CPAMD8: variants seen among roughly 807,000 people sequenced by gnomAD.
CPAMD8 encodes the protein C3 and PZP-like alpha-2-macroglobulin domain-containing protein 8.
CPAMD8 carries 146 observed loss-of-function variants against 224.7 expected under a neutral mutation model. The observed-to-expected ratio is 0.65, with a 90% CI of 0.57 to 0.75. CPAMD8 has a LOEUF of 0.75. Ranked by LOEUF, CPAMD8 falls within the 30% of genes least tolerant of loss-of-function variation. The pLI is 0.00. For synonymous variants in CPAMD8, 966 were observed against 1,044.6 expected (o/e 0.92, Z 1.45); for missense variants, 2,301 against 2,537.5 (o/e 0.91, Z 2.00).
chr19:17,008,590 G>C, intron 6 of CPAMD8, 31 bp from the exon 7 acceptor site: 2 of 1,611,770 alleles, frequency 1.2e-6, no homozygotes, highest in Non-Finnish European at 1.7e-6. Flanking sequence ...CAGACACACG[G>C]AGTGAACTCA....
In CPAMD8 at chr19:16,947,068, C is replaced by T. The variant is rs758569760; in HGVS notation, c.2662+6G>A. ...GGGGACACCCCAAGAACTGTGGGGTCCTCACCCGTGATGTTGTTGAGTCCC... is the reference window on the plus strand; with the variant it reads ...GGGGACACCCCAAGAACTGTGGGGTTCTCACCCGTGATGTTGTTGAGTCCC... On this transcript the variant is annotated splice_donor_region_variant and intron_variant, in intron 21 of 41. Coordinates refer to ENST00000443236, the MANE Select transcript of CPAMD8 (RefSeq NM_015692.5). 41 of 1,598,694 alleles carry T rather than the reference C, an allele frequency of 2.6e-5. No individual in the cohort carries two copies. Among genetic ancestry groups the T allele is most frequent in the Non-Finnish European group, 3.4e-5 (40 of 1,171,320 alleles).
At chr19:16,953,910 T>TAA (rs1352607409) in intron 19 of CPAMD8, among the ~76,000 whole-genome samples, 2 of 151,878 alleles carry the variant, frequency 1.3e-5, no homozygotes, top group East Asian at 3.9e-4. Context: ...GAAATGCAAA[T>TAA]AAAAACCACA....
At position 16,970,897 on chromosome 19, in the gene CPAMD8, G is replaced by T. The variant is rs9305083; in HGVS notation, c.2207C>A (p.Pro736His). 0.035 allele frequency: 55,806 copies of T among 1,613,126 alleles called. 4,617 individuals are homozygous for T. The highest frequency in any genetic ancestry group is 0.33 in the African/African-American group (24,745 of 74,868). Residue 736 changes from proline (P) to histidine (H), a missense_variant, in exon 18 of 42, where the codon CCC (proline) becomes CAC (histidine). By Grantham distance (77) the Pro-to-His change is moderately conservative. Around this residue, in one of 4 missense-constraint regions of CPAMD8, gnomAD observed 1,709 missense variants for 1,753.2 expected, o/e 0.97. Coordinates refer to ENST00000443236, the MANE Select transcript of CPAMD8 (RefSeq NM_015692.5). ...TCAATGTATAAGCCGTTACCTGGGGGGGTGCCTGGAAGGAGCCACTGCCAC... is the reference window on the plus strand; with the variant it reads ...TCAATGTATAAGCCGTTACCTGGGGTGGTGCCTGGAAGGAGCCACTGCCAC... ...SLVAVAPSRHPPRTEKRKRTF... is the reference protein window; with the variant it reads ...SLVAVAPSRHHPRTEKRKRTF...
chr19:16,901,312 GGAGA>G lies in CPAMD8; in HGVS notation c.4686-19_4686-16del, dbSNP rs762202474. On this transcript the variant is annotated splice_polypyrimidine_tract_variant and intron_variant, in intron 35 of 41. Transcript: ENST00000443236. ...CATGCAGCCACCTTCCAACAACAGG[GGAGA>G]GAGAGAGGCCCTAGAGCTCAAGCCC... 2.6e-6 allele frequency: 4 copies of G among 1,568,512 alleles called. No homozygotes were observed. Among genetic ancestry groups the G allele is most frequent in the South Asian group, 1.1e-5 (1 of 88,904 alleles).
intron 27 of CPAMD8, among the ~76,000 whole-genome samples, chr19:16,915,377 G>A (rs752093091): frequency 1.3e-5 from 2 of 152,158 alleles, no homozygotes; most frequent in Admixed American, 1.3e-4. Flanking sequence ...CATGTGCCAA[G>A]GGAGGGAATA....
intron 20 of CPAMD8, among the ~76,000 whole-genome samples, chr19:16,950,483 G>C (rs1313436160): frequency 1.3e-5 from 2 of 151,882 alleles, no homozygotes; most frequent in African/African-American, 2.4e-5. Flanking sequence ...CAAGCCACCA[G>C]AAGCCAAGAG....
At chr19:16,894,907 G>A (rs2051898161) in intron 41 of CPAMD8, 1 of 191,780 alleles carries the variant, frequency 5.2e-6, no homozygotes, top group Non-Finnish European at 1.0e-5. Flanking sequence ...AACATACAGA[G>A]ACCCCATCTC....
At chr19:16,985,601 A>G (rs780600218) in intron 13 of CPAMD8, among the ~76,000 whole-genome samples, 11 of 147,596 alleles carry the variant, frequency 7.5e-5, no homozygotes, top group Non-Finnish European at 1.3e-4. Flanking sequence ...GAGTAAATGG[A>G]TGGATGGATG....
chr19:16,895,795 A>G (rs1162392103), intron 41 of CPAMD8: 1 of 428,854 alleles, frequency 2.3e-6, no homozygotes, highest in East Asian at 6.9e-5. Flanking sequence ...CTAACTATAT[A>G]ATGCAAGCAT....
At chr19:16,920,405 AG>A (rs781422399) in intron 27 of CPAMD8, among the ~76,000 whole-genome samples, 1 of 152,108 alleles carries the variant, frequency 6.6e-6, no homozygotes, top group Non-Finnish European at 1.5e-5. Context: ...GCGTGAACCC[AG>A]GGGGCGGAGC....
chr19:16,957,833 G>A lies in CPAMD8; in HGVS notation c.2276+20C>T. 1 of 1,613,420 alleles carries A rather than the reference G, an allele frequency of 6.2e-7. No homozygotes were observed. The highest frequency in any genetic ancestry group is 1.3e-5 in the African/African-American group (1 of 75,010). ...TCACTCAACCGGCAAAGTCAGCGCA[G>A]AAAAGAAATCTTAATGTACCTGATG... On this transcript the variant is annotated intron_variant, in intron 19 of 41. Coordinates refer to ENST00000443236, the MANE Select transcript of CPAMD8 (RefSeq NM_015692.5).
intron 29 of CPAMD8, among the ~76,000 whole-genome samples, chr19:16,907,945 A>G (rs557435138): frequency 6.6e-6 from 1 of 152,228 alleles, no homozygotes; most frequent in South Asian, 2.1e-4. Context: ...CCTTTTTCCA[A>G]ATGAGGTCTG....
intron 5 of CPAMD8, 193 bp from the exon 6 acceptor site, chr19:17,009,513 G>T: frequency 2.2e-6 from 2 of 903,718 alleles, no homozygotes; most frequent in Non-Finnish European, 3.2e-6. Flanking sequence ...GGTGGCTCAT[G>T]CCTGTAATCC....
chr19:16,941,903 C>T (rs10401721), intron 22 of CPAMD8, among the ~76,000 whole-genome samples: 53,770 of 151,928 alleles, frequency 0.35, 9,665 homozygotes, highest in African/African-American at 0.38. Flanking sequence ...AACAAGGAGG[C>T]TGGAGGTTGC....
intron 2 of CPAMD8, among the ~76,000 whole-genome samples, chr19:17,021,099 C>A (rs1354882906): frequency 6.6e-6 from 1 of 152,170 alleles, no homozygotes; most frequent in Non-Finnish European, 1.5e-5. Context: ...GCACATGAAC[C>A]AAGATAGGCC....
At chr19:16,906,338 CTTTCTTTCTTTCTTTCTT>C (rs2052479721) in intron 30 of CPAMD8, among the ~76,000 whole-genome samples, 1 of 26,866 alleles carries the variant, frequency 3.7e-5, no homozygotes, top group Admixed American at 4.1e-4. Flanking sequence ...CCTTCTTTCC[CTTTCTTTCTTTCTTTCTT>C]TCTTTCTTTC....
chr19:17,001,135 A>T (rs964989698), intron 9 of CPAMD8, among the ~76,000 whole-genome samples: 16 of 152,004 alleles, frequency 1.1e-4, no homozygotes, highest in African/African-American at 3.9e-4. Flanking sequence ...CAGCCTGGCC[A>T]ACATGGTGAA....
At chr19:16,923,330 C>T (rs2144913205) in intron 26 of CPAMD8, among the ~76,000 whole-genome samples, 1 of 152,236 alleles carries the variant, frequency 6.6e-6, no homozygotes, top group South Asian at 2.1e-4. Context: ...GAGTTTGGAC[C>T]CAGTGGCGGC....
At chr19:16,915,552 C>T (rs192622194) in intron 27 of CPAMD8, among the ~76,000 whole-genome samples, 2 of 152,292 alleles carry the variant, frequency 1.3e-5, no homozygotes, top group East Asian at 3.9e-4. Context: ...TGTGGCCTGT[C>T]CCTCATCCAC....
Sources: allele counts gnomAD v4.1 joint callset (sites outside exome capture counted in the v4.1 genomes callset), GRCh38; gene constraint gnomAD v4.1.1; regional missense constraint gnomAD v4.1.1; transcripts MANE v1.5; gene names NCBI Gene and HGNC (gene_info 2026-07-23, HGNC 2026-07-21).